CHAF1B: variants seen among roughly 807,000 people sequenced by gnomAD.
CHAF1B encodes chromatin assembly factor 1 subunit B.
In CHAF1B, 10 loss-of-function variants were observed where a neutral mutation model predicts 60.7. That is an observed-to-expected ratio of 0.16 (90% CI 0.10 to 0.28). CHAF1B has a LOEUF of 0.28. Among genes scored for constraint, CHAF1B ranks in the 10% least tolerant of loss-of-function variants. CHAF1B has a pLI of 1.00. For synonymous variants in CHAF1B, 261 were observed against 266.1 expected (o/e 0.98, Z 0.19); for missense variants, 558 against 708.4 (o/e 0.79, Z 2.41).
intron 6 of CHAF1B, 56 bp from the exon 7 acceptor site, chr21:36,399,465 G>T: frequency 6.8e-7 from 1 of 1,479,088 alleles, no homozygotes; most frequent in Non-Finnish European, 9.4e-7. Flanking sequence ...AGTTGTTTCT[G>T]TGTGAAGCAT....
At chr21:36,410,750 T>G (rs2086272013) in intron 10 of CHAF1B, among the ~76,000 whole-genome samples, 1 of 151,620 alleles carries the variant, frequency 6.6e-6, no homozygotes, top group African/African-American at 2.4e-5. Flanking sequence ...AGCCTTCGTC[T>G]CCCAGGTTCA....
At chr21:36,404,465 G>A (rs900345891) in intron 8 of CHAF1B, among the ~76,000 whole-genome samples, 5 of 139,714 alleles carry the variant, frequency 3.6e-5, no homozygotes, top group East Asian at 2.1e-4. Flanking sequence ...ATGGAGTTTC[G>A]CTCTTGTTAC....
rs1183762558 is a variant in CHAF1B at position 36,385,399 on chromosome 21, GGC to G, written c.-123_-122del. On this transcript the variant is annotated 5_prime_UTR_variant, in exon 1 of 14. Transcript: ENST00000314103. ...GCGGGGCCTGCGGCGCGCGGGAAGCGGCGCGCGCTGCGCGGGAGGTGACGGTG... is the reference window on the plus strand; with the variant it reads ...GCGGGGCCTGCGGCGCGCGGGAAGCGGCGCGCTGCGCGGGAGGTGACGGTG... 2 of 152,192 alleles carry G rather than the reference GGC, an allele frequency of 1.3e-5. No homozygotes were observed. The highest frequency in any genetic ancestry group is 2.4e-5 in the African/African-American group (1 of 41,530). 9.4% of individuals were successfully genotyped at this position (152,192 alleles called of 1,614,324 possible).
At chr21:36,406,467 G>T (rs1467879421) in intron 8 of CHAF1B, among the ~76,000 whole-genome samples, 1 of 151,972 alleles carries the variant, frequency 6.6e-6, no homozygotes, top group Non-Finnish European at 1.5e-5. Flanking sequence ...TGTATTTTTA[G>T]TAGAGATGAG....
chr21:36,397,391 CGT>C (rs759875419), intron 5 of CHAF1B, 22 bp from the exon 6 acceptor site: 298 of 1,239,426 alleles, frequency 2.4e-4, no homozygotes, highest in Middle Eastern at 3.9e-4. Context: ...TGTTTTGGTG[CGT>C]GTGTGTGTGT....
chr21:36,395,890 G>A (rs765440182), intron 5 of CHAF1B, among the ~76,000 whole-genome samples: 1 of 152,060 alleles, frequency 6.6e-6, no homozygotes, highest in Non-Finnish European at 1.5e-5. Context: ...GGCTGCCACC[G>A]CAGCACTGTG....
Position 36,412,920 on chromosome 21 carries a change from G to A in CHAF1B, c.1098G>A (p.Thr366=). ...SDGAFLAISS[T]DGYCSFVTFE... ...GTGCCTTCCTGGCCATTTCTTCCACGGACGGTTACTGCTCATTTGTGACAT... is the reference window on the plus strand; with the variant it reads ...GTGCCTTCCTGGCCATTTCTTCCACAGACGGTTACTGCTCATTTGTGACAT... Residue 366 remains threonine (T), a synonymous_variant, in exon 12 of 14, where the codon ACG becomes ACA. Transcript: ENST00000314103. 6.2e-7 allele frequency: 1 copy of A among 1,614,040 alleles called. No homozygotes were observed. Among genetic ancestry groups the A allele is most frequent in the Non-Finnish European group, 8.5e-7 (1 of 1,179,992 alleles).
intron 2 of CHAF1B, among the ~76,000 whole-genome samples, chr21:36,386,933 C>G (rs1271302016): frequency 1.3e-5 from 2 of 152,084 alleles, no homozygotes; most frequent in African/African-American, 4.8e-5. Context: ...AGGCTGGTCT[C>G]AAACTCCTGA....
At chr21:36,399,449 G>A in intron 6 of CHAF1B, 72 bp from the exon 7 acceptor site, 1 of 1,319,400 alleles carries the variant, frequency 7.6e-7, no homozygotes, top group Non-Finnish European at 1.1e-6. Context: ...TAGGCTGTTG[G>A]TAATAAGTTG....
rs1273193518 is a variant in CHAF1B at position 36,418,067 on chromosome 21, T to A, written c.*1701T>A. 2 of 150,704 alleles carry A rather than the reference T, an allele frequency of 1.3e-5. No homozygotes were observed. The highest frequency in any genetic ancestry group is 3.0e-5 in the Non-Finnish European group (2 of 67,784). 9.3% of individuals were successfully genotyped at this position (150,704 alleles called of 1,614,324 possible). On this transcript the variant is annotated 3_prime_UTR_variant, in exon 14 of 14. Coordinates refer to ENST00000314103, the MANE Select transcript of CHAF1B (RefSeq NM_005441.3). The stretch of plus-strand genomic sequence containing the variant: ...TCTCGCTCTGTCACCCAGGCTGGAG[T>A]GCAGTGGCGCAATCTCCACTCACTG...
intron 8 of CHAF1B, among the ~76,000 whole-genome samples, chr21:36,406,971 A>G (rs1245913247): frequency 2.6e-5 from 4 of 152,166 alleles, no homozygotes; most frequent in Non-Finnish European, 4.4e-5. Context: ...GTAAGGAAAT[A>G]TAGGAGGACA....
Position 36,413,240 on chromosome 21 carries a change from G to C in CHAF1B, c.1418G>C (p.Ser473Thr), listed in dbSNP as rs185949588. ...PSEEKTLQPS[S>T]QNTKAHPSRR... ...GAGGAGAAGACCCTGCAGCCCAGTA[G>C]TCAAAACACAAAAGCCCACCCATCC... The change falls in exon 12 of 14, where the codon AGT becomes ACT. Residue 473 changes from serine (S) to threonine (T), a missense_variant. By Grantham distance (58) the Ser-to-Thr change is moderately conservative. Transcript: ENST00000314103. 1.7e-5 allele frequency: 27 copies of C among 1,611,768 alleles called. No individual in the cohort carries two copies. The Middle Eastern group carries it at 5.0e-4, about 30-fold the overall frequency.
intron 10 of CHAF1B, among the ~76,000 whole-genome samples, 194 bp downstream of exon 10, chr21:36,409,659 G>A (rs886889615): frequency 1.3e-5 from 2 of 151,848 alleles, no homozygotes; most frequent in African/African-American, 4.8e-5. Flanking sequence ...TTATCAGCCT[G>A]GTTAATTTTT....
At chr21:36,390,914 C>T (rs185295351) in intron 3 of CHAF1B, among the ~76,000 whole-genome samples, 1 of 152,270 alleles carries the variant, frequency 6.6e-6, no homozygotes, top group East Asian at 1.9e-4. Flanking sequence ...TCTCAGCCTC[C>T]CAAAGTGCTG....
intron 3 of CHAF1B, 90 bp downstream of exon 3, chr21:36,387,820 C>CTTT: frequency 2.1e-5 from 24 of 1,124,582 alleles, no homozygotes; most frequent in South Asian, 6.1e-5. Context: ...GCTGGATATG[C>CTTT]TTTTTTTTTT....
In CHAF1B at chr21:36,413,207, G is replaced by C. The variant is rs2086291984; in HGVS notation, c.1385G>C (p.Gly462Ala). Residue 462 changes from glycine to alanine, a missense_variant, in exon 12 of 14, where the codon GGG (glycine) becomes GCG (alanine). Physicochemically the swap from Gly to Ala is moderately conservative, Grantham distance 60 (BLOSUM62 0). This residue lies in a region of CHAF1B where 233 missense variants were observed against 214.9 expected (regional missense o/e 1.08). Transcript: ENST00000314103. ...CCTGCTGTCAAAAGCCCCTTGCCGGGGCCTTCGGAGGAGAAGACCCTGCAG... is the reference window on the plus strand; with the variant it reads ...CCTGCTGTCAAAAGCCCCTTGCCGGCGCCTTCGGAGGAGAAGACCCTGCAG... ...ITPAVKSPLP[G>A]PSEEKTLQPS... 3 of 1,614,030 alleles carry C rather than the reference G, an allele frequency of 1.9e-6. No individual in the cohort carries two copies. Among genetic ancestry groups the C allele is most frequent in the Non-Finnish European group, 2.5e-6 (3 of 1,180,022 alleles).
intron 8 of CHAF1B, among the ~76,000 whole-genome samples, chr21:36,404,614 A>G (rs2086221273): frequency 6.8e-6 from 1 of 146,088 alleles, no homozygotes; most frequent in Non-Finnish European, 1.5e-5. Flanking sequence ...TTGTATTTTT[A>G]GTAGAGACGG....
intron 5 of CHAF1B, 80 bp downstream of exon 5, chr21:36,394,730 C>CTTT (rs370521957): frequency 3.3e-4 from 180 of 538,758 alleles, no homozygotes; most frequent in Middle Eastern, 1.5e-3. Flanking sequence ...CTTGCTTTAA[C>CTTT]TTTTTTTTTT....
intron 3 of CHAF1B, among the ~76,000 whole-genome samples, chr21:36,389,798 T>TGCGCGCGCGCGCGC (rs1389760338): frequency 2.5e-4 from 24 of 97,620 alleles, no homozygotes; most frequent in African/African-American, 1.3e-3. Context: ...TGTGTGTGTG[T>TGCGCGCGCGCGCGC]GTGCGCGCGC....
Sources: gnomAD v4.1 joint callset for allele counts (sites outside exome capture counted in the v4.1 genomes callset) on GRCh38, gnomAD v4.1.1 for gene constraint, gnomAD v4.1.1 regional missense constraint, MANE v1.5 for transcripts, NCBI Gene and HGNC (gene_info 2026-07-23, HGNC 2026-07-21) for gene names.